The following MYL4 variants were observed in gnomAD, a reference collection of about 807,000 sequenced individuals.
The protein encoded by MYL4 is myosin light chain 4.
In MYL4, 16 loss-of-function variants were observed where a neutral mutation model predicts 21.6. The ratio of observed to expected loss-of-function variants is 0.74; its 90% CI spans 0.50 to 1.12. The LOEUF (loss-of-function observed/expected upper bound fraction) is 1.12, where lower values mean the gene tolerates loss of function less well. Ranked by LOEUF, MYL4 falls within the 50% of genes most tolerant of loss-of-function variation. The pLI is 0.00. For missense variants in MYL4, 249 were observed against 252.9 expected (o/e 0.98, Z 0.11); for synonymous variants, 82 against 95.7 (o/e 0.86, Z 0.83).
downstream of MYL4, among the ~76,000 whole-genome samples, chr17:47,224,634 G>A (rs988276519): frequency 6.6e-6 from 1 of 152,168 alleles, no homozygotes; most frequent in African/African-American, 2.4e-5. Context: ...TGTCTTTTGT[G>A]ACCGGCTTAT....
At chr17:47,195,627 C>T (rs1361535135), upstream of MYL4, among the ~76,000 whole-genome samples, 1 of 152,140 alleles carries the variant, frequency 6.6e-6, no homozygotes, top group Non-Finnish European at 1.5e-5. Context: ...CCAAAATCAC[C>T]CACTCTCTTG....
At chr17:47,193,353 C>T in the MYL4 span, among the ~76,000 whole-genome samples, 1 of 152,040 alleles carries the variant, frequency 6.6e-6, no homozygotes, top group Non-Finnish European at 1.5e-5. Context: ...CTGCAGCCTC[C>T]GTCTCCTGGG....
At chr17:47,216,781 G>A (rs541864736) in intron 2 of MYL4, among the ~76,000 whole-genome samples, 29 of 150,348 alleles carry the variant, frequency 1.9e-4, no homozygotes, top group Non-Finnish European at 3.2e-4. Flanking sequence ...CGCAACCTCC[G>A]CCTCCCGGGT....
chr17:47,192,294 C>T, the MYL4 span, among the ~76,000 whole-genome samples: 190 of 148,870 alleles, frequency 1.3e-3, no homozygotes, highest in East Asian at 8.6e-3. Context: ...GTGGAGGTTG[C>T]GGTGAGCTGA....
chr17:47,212,314 T>C (rs2064782237), intron 1 of MYL4, among the ~76,000 whole-genome samples: 1 of 152,238 alleles, frequency 6.6e-6, no homozygotes, highest in South Asian at 2.1e-4. Flanking sequence ...TACTATGCAT[T>C]ATATGGGGGA....
intron 2 of MYL4, among the ~76,000 whole-genome samples, chr17:47,218,744 A>C (rs935345948): frequency 6.6e-6 from 1 of 152,292 alleles, no homozygotes; most frequent in East Asian, 1.9e-4. Context: ...CTGAGATCAC[A>C]CCACTGTACT....
intron 1 of MYL4, among the ~76,000 whole-genome samples, chr17:47,210,645 T>C (rs1269169234): frequency 1.3e-5 from 2 of 152,080 alleles, no homozygotes; most frequent in African/African-American, 4.8e-5. Context: ...TTGTATGACC[T>C]CCCTGCCCTC....
rs758768590 is a variant in MYL4, at chr17:47,221,744, A to G, written c.376A>G (p.Asn126Asp). The G allele has an allele frequency of 3.1e-6, 5 of 1,614,148 alleles. No individual in the cohort carries two copies. Among genetic ancestry groups the G allele is most frequent in the Non-Finnish European group, 4.2e-6 (5 of 1,180,006 alleles). ...GCCCATCCTGCAGCACATTTCCCGCAACAAGGAGCAGGGCACCTATGAGGA... is the reference window on the plus strand; with the variant it reads ...GCCCATCCTGCAGCACATTTCCCGCGACAAGGAGCAGGGCACCTATGAGGA... ...FLPILQHISR[N>D]KEQGTYEDFV... is the part of the protein sequence containing the mutation. The change falls in exon 4 of 7, where the codon AAC (asparagine) becomes GAC (aspartate). Residue 126 changes from asparagine to aspartate, a missense_variant. By Grantham distance (23) the Asn-to-Asp change is conservative (BLOSUM62 1). Coordinates refer to ENST00000393450, the MANE Select transcript of MYL4 (RefSeq NM_002476.2).
chr17:47,192,556 A>T, the MYL4 span, among the ~76,000 whole-genome samples: 1 of 151,750 alleles, frequency 6.6e-6, no homozygotes, highest in South Asian at 2.1e-4. Flanking sequence ...AGGCTGAGGC[A>T]GGAGAATGGC....
downstream of MYL4, among the ~76,000 whole-genome samples, chr17:47,226,544 G>C (rs551206383): frequency 6.6e-6 from 1 of 152,366 alleles, no homozygotes; most frequent in African/African-American, 2.4e-5. Context: ...ACAGACATTA[G>C]TTATAATCAT....
chr17:47,198,993 G>C (rs973109593), upstream of MYL4, among the ~76,000 whole-genome samples: 1 of 151,796 alleles, frequency 6.6e-6, no homozygotes, highest in Non-Finnish European at 1.5e-5. Flanking sequence ...CCAGCACTTT[G>C]GGAGGCCGAG....
intron 1 of MYL4, among the ~76,000 whole-genome samples, chr17:47,210,468 A>T (rs2064765850): frequency 6.6e-6 from 1 of 152,164 alleles, no homozygotes; most frequent in Non-Finnish European, 1.5e-5. Context: ...GAAAAGGTCA[A>T]GTGGCTACTG....
At chr17:47,195,052 CTTTTTTTTTTTT>C in the MYL4 span, among the ~76,000 whole-genome samples, 2 of 113,934 alleles carry the variant, frequency 1.8e-5, no homozygotes, top group African/African-American at 3.4e-5. Flanking sequence ...CTTCATGGAA[CTTTTTTTTTTTT>C]TTTTTTTTTT....
At chr17:47,199,192 G>A (rs148365485), upstream of MYL4, among the ~76,000 whole-genome samples, 5,377 of 149,768 alleles carry the variant, frequency 0.036, 145 homozygotes, top group Non-Finnish European at 0.057. Context: ...AATGAGCCAA[G>A]ATTGTGCCAC....
chr17:47,207,446 C>A (rs1293388896), upstream of MYL4, among the ~76,000 whole-genome samples: 1 of 152,182 alleles, frequency 6.6e-6, no homozygotes, highest in Non-Finnish European at 1.5e-5. Flanking sequence ...CTCTAAGGGT[C>A]CTTCTGGCTC....
upstream of MYL4, among the ~76,000 whole-genome samples, chr17:47,206,089 A>G (rs534566212): frequency 4.4e-4 from 67 of 152,250 alleles, no homozygotes; most frequent in South Asian, 0.013. Context: ...TACAAATCTC[A>G]TGACAATTTG....
At chr17:47,221,619 C>T in intron 3 of MYL4, 63 bp from the exon 4 acceptor site, 1 of 1,548,054 alleles carries the variant, frequency 6.5e-7, no homozygotes, top group Non-Finnish European at 8.7e-7. Context: ...CCCCTCTTGA[C>T]CCTCTGCTCC....
chr17:47,227,324 C>T (rs2064889264), downstream of MYL4, among the ~76,000 whole-genome samples: 1 of 152,192 alleles, frequency 6.6e-6, no homozygotes, highest in Admixed American at 6.5e-5. Context: ...TTGGCACTTG[C>T]CCCTCCTGGG....
At position 47,219,976 on chromosome 17, in the gene MYL4, G is replaced by A. The variant is rs2149047454; in HGVS notation, c.236G>A (p.Gly79Glu). Residue 79 changes from glycine to glutamate, a missense_variant, in exon 3 of 7, where the codon GGG (glycine) becomes GAG (glutamate). Transcript: ENST00000393450. ...ATGAAGATCACCTACGGCCAGTGCG[G>A]GGATGTACTGCGGGCCCTGGGCCAG... ...GEMKITYGQC[G>E]DVLRALGQNP... is the part of the protein sequence containing the mutation. The A allele has an allele frequency of 6.8e-6, 11 of 1,614,228 alleles. No individual in the cohort carries two copies. Among genetic ancestry groups the A allele is most frequent in the Non-Finnish European group, 9.3e-6 (11 of 1,180,042 alleles).
Sources: gnomAD v4.1 joint callset for allele counts (sites outside exome capture counted in the v4.1 genomes callset) on GRCh38, gnomAD v4.1.1 for gene constraint, MANE v1.5 for transcripts, NCBI Gene and HGNC (gene_info 2026-07-23, HGNC 2026-07-21) for gene names.